The following BMP1 variants were observed in gnomAD, a reference collection of about 807,000 sequenced individuals.
BMP1 encodes the protein bone morphogenetic protein 1.
In BMP1, 63 loss-of-function variants were observed where a neutral mutation model predicts 116.8. That is an observed-to-expected ratio of 0.54 (90% CI 0.44 to 0.67). BMP1 has a LOEUF of 0.67. BMP1 is among the 30% of genes least tolerant of loss of function. The pLI is 0.00. For missense variants in BMP1, 1,183 were observed against 1,358.9 expected, an observed-to-expected ratio of 0.87 and a Z score of 2.04; for synonymous variants, 536 against 533.4, an observed-to-expected ratio of 1.00 and a Z score of -0.07.
chr8:22,209,008 C>A lies in BMP1; in HGVS notation c.2576-437C>A, dbSNP rs115381905. On this transcript the variant is annotated intron_variant, in intron 18 of 19. Transcript: ENST00000306385. ...TCAGACCTGCTATGTTTGGCCCACA[C>A]TGTGTTTTTTTTAAAAATGTGAGCC... is the stretch of plus-strand genomic sequence containing the variant. 1.6e-4 allele frequency among the ~76,000 whole-genome samples: 25 copies of A among 152,360 alleles called. No individual in the cohort carries two copies. In the South Asian group the frequency reaches 2.5e-3, roughly 15 times the overall value.
chr8:22,196,304 C>G (rs780512121), intron 13 of BMP1: 4 of 557,350 alleles, frequency 7.2e-6, no homozygotes, highest in Non-Finnish European at 1.4e-5. Flanking sequence ...CTCACTAGGC[C>G]GATCCTGCTG....
Position 22,211,882 on chromosome 8 carries a change from G to C in BMP1, c.*154G>C. The C allele has an allele frequency of 8.5e-7, 1 of 1,178,244 alleles. No homozygotes were observed. Among genetic ancestry groups the C allele is most frequent in the South Asian group, 1.5e-5 (1 of 66,598 alleles). The allele number at this position is 1,178,244 out of a possible 1,614,324, so 73.0% of individuals were successfully genotyped here. On this transcript the variant is annotated 3_prime_UTR_variant, in exon 20 of 20. Transcript: ENST00000306385. ...CTGGTGAGACTGTCCATAGGAGGTG[G>C]GGGAACTGGACTCCGGCATAAGCCA...
At chr8:22,201,614 T>C in intron 15 of BMP1, 189 bp from the exon 16 acceptor site, 2 of 1,362,668 alleles carry the variant, frequency 1.5e-6, no homozygotes, top group Non-Finnish European at 1.9e-6. Flanking sequence ...CTGGTCCTGC[T>C]GGATGCAGTG....
intron 8 of BMP1, among the ~76,000 whole-genome samples, chr8:22,183,591 A>AATTATTATTATTATTATT (rs10687529): frequency 3.1e-3 from 449 of 146,996 alleles, no homozygotes; most frequent in African/African-American, 9.8e-3. Flanking sequence ...GTATGTGTTA[A>AATTATTATTATTATTATT]ATTATTATTA....
intron 8 of BMP1, among the ~76,000 whole-genome samples, chr8:22,189,927 T>C (rs931481085): frequency 6.6e-6 from 1 of 152,192 alleles, no homozygotes; most frequent in African/African-American, 2.4e-5. Context: ...TATTTTATTT[T>C]ATATTTTTTT....
chr8:22,197,211 G>A (rs1018010559), intron 14 of BMP1, 29 bp from the exon 15 acceptor site: 5 of 1,595,876 alleles, frequency 3.1e-6, no homozygotes, highest in Admixed American at 3.4e-5. Flanking sequence ...TCCTGGAGGA[G>A]GCGGGCCTGG....
chr8:22,186,975 A>C (rs1445531149), intron 8 of BMP1, among the ~76,000 whole-genome samples: 1 of 152,012 alleles, frequency 6.6e-6, no homozygotes, highest in Non-Finnish European at 1.5e-5. Context: ...TATCTTTCCT[A>C]TATTCCTAAT....
intron 8 of BMP1, among the ~76,000 whole-genome samples, chr8:22,185,124 C>T (rs1828729111): frequency 6.6e-6 from 1 of 152,088 alleles, no homozygotes; most frequent in Admixed American, 6.6e-5. Context: ...TCCCCAGCAA[C>T]GGAGGAGAAC....
Position 22,174,627 on chromosome 8 carries a change from C to CTTT in BMP1, c.262+933_262+935dup, listed in dbSNP as rs57781366. 6.3e-3 allele frequency among the ~76,000 whole-genome samples: 672 copies of CTTT among 106,228 alleles called. 24 individuals are homozygous for CTTT. The highest frequency in any genetic ancestry group is 0.022 in the African/African-American group (590 of 26,414). The allele number at this position is 106,228 out of a possible 152,430, so 69.7% of individuals were successfully genotyped here. ...GGGATTCTTTCTTCTTTTTTTCTGT[C>CTTT]TTTTTTTTTTTTTTTTTTTTTTTGA... On this transcript the variant is annotated intron_variant, in intron 2 of 19. Coordinates refer to ENST00000306385, the MANE Select transcript of BMP1 (RefSeq NM_006129.5).
Position 22,209,459 on chromosome 8 carries a change from G to A in BMP1, c.2590G>A (p.Val864Ile). ...ASHATECGGQ[V>I]RADVKTKDLY... ...GTCCCCTACAGAGTGCGGGGGCCAGGTACGGGCAGACGTGAAGACCAAGGA... is the reference window on the plus strand; with the variant it reads ...GTCCCCTACAGAGTGCGGGGGCCAGATACGGGCAGACGTGAAGACCAAGGA... The change falls in exon 19 of 20, where the codon GTA (valine) becomes ATA (isoleucine). Residue 864 changes from valine (V) to isoleucine (I), a missense_variant. Physicochemically the swap from Val to Ile is conservative, Grantham distance 29. This residue lies in a region of BMP1 where 956 missense variants were observed against 1,135.2 expected (regional missense o/e 0.84). Transcript: ENST00000306385. 2.5e-6 allele frequency: 4 copies of A among 1,614,168 alleles called. No individual in the cohort carries two copies. The highest frequency in any genetic ancestry group is 3.4e-6 in the Non-Finnish European group (4 of 1,180,008).
chr8:22,202,141 A>C (rs1586470113), intron 16 of BMP1, among the ~76,000 whole-genome samples: 1 of 152,140 alleles, frequency 6.6e-6, no homozygotes, highest in Non-Finnish European at 1.5e-5. Context: ...GGAGAGGAGG[A>C]GCTCACGGCT....
rs370291697 is a variant in BMP1, at chr8:22,169,078, A to G, written c.148+3525A>G. On this transcript the variant is annotated intron_variant, in intron 1 of 19. Transcript: ENST00000306385. Reference sequence around the variant, plus strand: ...CAGCTACTTGGGAGGCTTAGCTGGGAGGAGTTGGAGCTCGAGAGTTCAAGG... The same window carrying G: ...CAGCTACTTGGGAGGCTTAGCTGGGGGGAGTTGGAGCTCGAGAGTTCAAGG... Among the ~76,000 whole-genome samples the G allele has an allele frequency of 5.3e-5, 8 of 151,156 alleles. No individual in the cohort carries two copies. The East Asian group carries it at 1.4e-3, about 26-fold the overall frequency.
At chr8:22,209,765 C>A (rs1470913601) in intron 19 of BMP1, 70 bp downstream of exon 19, 6 of 1,543,236 alleles carry the variant, frequency 3.9e-6, no homozygotes, top group African/African-American at 2.7e-5. Flanking sequence ...CCCTTCTCAG[C>A]CCAGTCTCCA....
rs368585884 is a variant in BMP1 at position 22,172,607 on chromosome 8, C to CTTT, written c.149-974_149-972dup. Reference sequence around the variant, plus strand: ...GAAAAATGGTACAATTTTATTTCCTCTTTTTTTTTTTTTTTTTTTTTTTGA... The same window carrying CTTT: ...GAAAAATGGTACAATTTTATTTCCTCTTTTTTTTTTTTTTTTTTTTTTTTTTGA... On this transcript the variant is annotated intron_variant, in intron 1 of 19. Coordinates refer to ENST00000306385, the MANE Select transcript of BMP1 (RefSeq NM_006129.5). Among the ~76,000 whole-genome samples the CTTT allele has an allele frequency of 2.8e-3, 271 of 97,298 alleles. 1 individual carries two copies. Among genetic ancestry groups the CTTT allele is most frequent in the African/African-American group, 4.9e-3 (108 of 21,872 alleles). The allele number at this position is 97,298 out of a possible 152,430, so 63.8% of individuals were successfully genotyped here. A position where few individuals can be genotyped will look rare whatever the true frequency, so the allele number is the denominator to read the frequency against.
intron 16 of BMP1, among the ~76,000 whole-genome samples, chr8:22,205,598 G>T (rs368249331): frequency 6.6e-6 from 1 of 151,900 alleles, no homozygotes; most frequent in East Asian, 1.9e-4. Flanking sequence ...AACATAGTGA[G>T]ACCCCATCTC....
rs775440656 is a variant in BMP1 at position 22,196,831 on chromosome 8, G to C, written c.1917G>C (p.Glu639Asp). The change falls in exon 14 of 20, where the codon GAG becomes GAC. Residue 639 changes from glutamate to aspartate, a missense_variant. Glu to Asp is a conservative substitution (Grantham distance 45, BLOSUM62 2). Coordinates refer to ENST00000306385, the MANE Select transcript of BMP1 (RefSeq NM_006129.5). The part of the protein sequence containing the change: ...ISLQFDFFET[E>D]GNDVCKYDFV... ...TGCAGTTTGACTTCTTTGAGACAGA[G>C]GGCAATGATGTAAGTGCCCACCAGG... is the stretch of plus-strand genomic sequence containing the variant. 1.2e-6 allele frequency: 2 copies of C among 1,613,182 alleles called. No individual in the cohort carries two copies. Among genetic ancestry groups the C allele is most frequent in the Non-Finnish European group, 1.7e-6 (2 of 1,179,504 alleles).
intron 9 of BMP1, 113 bp downstream of exon 9, chr8:22,192,264 G>A: frequency 1.1e-6 from 1 of 883,786 alleles, no homozygotes; most frequent in Non-Finnish European, 1.8e-6. Context: ...ATGACAACCT[G>A]GTATGGGAGC....
chr8:22,194,716 A>AC lies in BMP1; in HGVS notation c.1444-4dup. On this transcript the variant is annotated splice_polypyrimidine_tract_variant and splice_region_variant and intron_variant, in intron 11 of 19. Transcript: ENST00000306385. The surrounding 1 kb of genome is among the most constrained non-coding windows in gnomAD (Gnocchi z 4.5). ...AGCCCCTTCCACTGATGAAGCCTCG[A>AC]CCCCTAGATTGAGCGCCACGACAGC... The AC allele has an allele frequency of 1.9e-6, 3 of 1,595,760 alleles. No individual in the cohort carries two copies. The highest frequency in any genetic ancestry group is 2.6e-6 in the Non-Finnish European group (3 of 1,169,584).
At chr8:22,190,005 C>T (rs1011828180) in intron 8 of BMP1, among the ~76,000 whole-genome samples, 2 of 152,190 alleles carry the variant, frequency 1.3e-5, no homozygotes, top group African/African-American at 4.8e-5. Context: ...ACTGCAACCT[C>T]TGCCTCCCAG....
Sources: gnomAD v4.1 joint callset for allele counts (sites outside exome capture counted in the v4.1 genomes callset) on GRCh38, gnomAD v4.1.1 for gene constraint, gnomAD v4.1.1 regional missense constraint, Gnocchi (gnomAD v3.1) non-coding constraint, MANE v1.5 for transcripts, NCBI Gene and HGNC (gene_info 2026-07-23, HGNC 2026-07-21) for gene names.